Variants in PDE6C observed in about 807,000 individuals in gnomAD.
The protein encoded by PDE6C is cone cGMP-specific 3',5'-cyclic phosphodiesterase subunit alpha'.
Under a neutral mutation model 113.1 loss-of-function variants are expected in PDE6C, and 75 were observed. The observed-to-expected ratio is 0.66, with a 90% confidence interval of 0.55 to 0.80. The LOEUF (loss-of-function observed/expected upper bound fraction) is 0.80. Ranked by LOEUF, PDE6C falls within the 30% of genes least tolerant of loss-of-function variation. PDE6C has a pLI of 0.00. For synonymous variants in PDE6C, 375 were observed against 363.7 expected, an observed-to-expected ratio of 1.03 and a Z score of -0.35; for missense variants, 912 against 1,038.6, an observed-to-expected ratio of 0.88 and a Z score of 1.67.
At chr10:93,630,946 C>T (rs1428454776) in intron 8 of PDE6C, among the ~76,000 whole-genome samples, 3 of 152,190 alleles carry the variant, frequency 2.0e-5, no homozygotes, top group South Asian at 4.1e-4. Flanking sequence ...ACGTGGATGT[C>T]AGAATAGGAT....
chr10:93,629,325 G>T lies in PDE6C; in HGVS notation c.1119+20G>T, dbSNP rs2058488262. ...TTTCAGGTAACTGCACTCTGGGTCA[G>T]ACCTCACCTCTTGGGGCTGGGGTAG... On this transcript the variant is annotated intron_variant, in intron 8 of 21. Coordinates refer to ENST00000371447, the MANE Select transcript of PDE6C (RefSeq NM_006204.4). 6.3e-7 allele frequency: 1 copy of T among 1,583,674 alleles called. No individual in the cohort carries two copies. The highest frequency in any genetic ancestry group is 1.3e-5 in the African/African-American group (1 of 74,140).
chr10:93,653,441 G>C (rs1234026869), intron 15 of PDE6C, among the ~76,000 whole-genome samples: 1 of 152,054 alleles, frequency 6.6e-6, no homozygotes, highest in Non-Finnish European at 1.5e-5. Context: ...TCAGGAGTTT[G>C]AGACTAGCCT....
intron 16 of PDE6C, among the ~76,000 whole-genome samples, chr10:93,658,169 C>CAAAAAAAAAAAAAAAAAAAAA (rs71031527): frequency 8.3e-5 from 5 of 59,884 alleles, no homozygotes; most frequent in Admixed American, 4.7e-4. Flanking sequence ...GATTCTGTCT[C>CAAAAAAAAAAAAAAAAAAAAA]AAAAAAAAAA....
chr10:93,646,109 G>C, intron 15 of PDE6C, 62 bp downstream of exon 15: 1 of 963,882 alleles, frequency 1.0e-6, no homozygotes, highest in Non-Finnish European at 1.7e-6. Context: ...CTAACCCACA[G>C]AAAATGCTTG....
intron 14 of PDE6C, among the ~76,000 whole-genome samples, chr10:93,644,765 G>A (rs554168696): frequency 7.2e-6 from 1 of 138,288 alleles, no homozygotes; most frequent in South Asian, 2.4e-4. Context: ...TTCAAATAAA[G>A]AAAATGTGGT....
intron 18 of PDE6C, among the ~76,000 whole-genome samples, 175 bp downstream of exon 18, chr10:93,659,342 A>T (rs556452597): frequency 1.8e-4 from 28 of 152,294 alleles, no homozygotes; most frequent in Admixed American, 8.5e-4. Context: ...GGAACTTTGG[A>T]AGGAGAATTC....
chr10:93,624,759 A>G (rs2058465548), intron 4 of PDE6C, among the ~76,000 whole-genome samples: 1 of 152,166 alleles, frequency 6.6e-6, no homozygotes, highest in African/African-American at 2.4e-5. Flanking sequence ...CTACTTAACA[A>G]GGTAGGGCAG....
rs1396499122 is a variant in PDE6C at position 93,646,037 on chromosome 10, T to C, written c.1925T>C (p.Leu642Ser). The C allele has an allele frequency of 6.3e-7, 1 of 1,584,256 alleles. No homozygotes were observed. The highest frequency in any genetic ancestry group is 8.7e-7 in the Non-Finnish European group (1 of 1,152,738). ...RHHLEYSKTL[L>S]QDESLNIFQN... ...CACCTGGAGTACAGTAAGACTCTGT[T>C]GCAGGATGAGGTACGTAAACCTCTC... Residue 642 changes from leucine (L) to serine (S), a missense_variant, in exon 15 of 22, where the codon TTG (leucine) becomes TCG (serine). Coordinates refer to ENST00000371447, the MANE Select transcript of PDE6C (RefSeq NM_006204.4).
At position 93,662,057 on chromosome 10, in the gene PDE6C, A is replaced by C. The variant is rs1170267918; in HGVS notation, c.2209-2A>C. 1 of 1,589,966 alleles carries C rather than the reference A, an allele frequency of 6.3e-7. No individual in the cohort carries two copies. The highest frequency in any genetic ancestry group is 1.7e-5 in the Admixed American group (1 of 59,970). ...AGTGAACCAAGCCTTTCTCATTTGC[A>C]GGTAGCACTTATGGTTGCAAATGAA... is the stretch of plus-strand genomic sequence containing the variant. On this transcript the variant is annotated splice_acceptor_variant, in intron 18 of 21. Coordinates refer to ENST00000371447, the MANE Select transcript of PDE6C (RefSeq NM_006204.4). LOFTEE classifies it high-confidence loss of function.
At chr10:93,628,667 A>G (rs2058485786) in intron 7 of PDE6C, among the ~76,000 whole-genome samples, 1 of 152,170 alleles carries the variant, frequency 6.6e-6, no homozygotes, top group Admixed American at 6.5e-5. Context: ...ATTAAGATCC[A>G]TTTGTGATTA....
Position 93,617,882 on chromosome 10 carries a change from T to A in PDE6C, c.481-2750T>A, listed in dbSNP as rs555712001. On this transcript the variant is annotated intron_variant, in intron 1 of 21. Coordinates refer to ENST00000371447, the MANE Select transcript of PDE6C (RefSeq NM_006204.4). ...GGCTGTGTAAATGAAGGTGATGTGA[T>A]CTGCATGGATAACAGGGTGGAAGGG... is the stretch of plus-strand genomic sequence containing the variant. Among the ~76,000 whole-genome samples the A allele has an allele frequency of 4.6e-5, 7 of 152,342 alleles. 1 individual carries two copies. The South Asian group carries it at 1.2e-3, about 27-fold the overall frequency.
Position 93,612,542 on chromosome 10 carries a change from A to T in PDE6C, c.-184A>T. 1 of 749,676 alleles carries T rather than the reference A, an allele frequency of 1.3e-6. No homozygotes were observed. The highest frequency in any genetic ancestry group is 1.6e-5 in the South Asian group (1 of 62,298). The allele number at this position is 749,676 out of a possible 1,614,324, so 46.4% of individuals were successfully genotyped here. A position where few individuals can be genotyped will look rare whatever the true frequency, so the allele number is the denominator to read the frequency against. ...ACCCTAAGCCAGGGCCTTCTGTCAC[A>T]TCCCAAGAGTTACAGGCAGTTTGAA... On this transcript the variant is annotated 5_prime_UTR_variant, in exon 1 of 22. Coordinates refer to ENST00000371447, the MANE Select transcript of PDE6C (RefSeq NM_006204.4).
chr10:93,616,775 T>C (rs1294133056), intron 1 of PDE6C, among the ~76,000 whole-genome samples: 1 of 149,546 alleles, frequency 6.7e-6, no homozygotes, highest in Non-Finnish European at 1.5e-5. Flanking sequence ...TGCCTCAGCC[T>C]CCCCAGTAGC....
intron 16 of PDE6C, among the ~76,000 whole-genome samples, chr10:93,657,302 C>T (rs1255255103): frequency 1.3e-5 from 2 of 149,244 alleles, no homozygotes; most frequent in African/African-American, 5.0e-5. Flanking sequence ...GCTAGGACTA[C>T]AGGCACACGT....
intron 8 of PDE6C, among the ~76,000 whole-genome samples, chr10:93,630,763 C>T (rs2058497469): frequency 6.6e-6 from 1 of 152,166 alleles, no homozygotes; most frequent in African/African-American, 2.4e-5. Flanking sequence ...CACACCACAC[C>T]TTGGGGAAAG....
intron 4 of PDE6C, among the ~76,000 whole-genome samples, chr10:93,622,760 A>G (rs1007865297): frequency 6.7e-6 from 1 of 149,366 alleles, no homozygotes; most frequent in Non-Finnish European, 1.5e-5. Context: ...CTGGCTTTTC[A>G]CTTTGAAATA....
At chr10:93,650,548 A>C (rs9419777) in intron 15 of PDE6C, among the ~76,000 whole-genome samples, 8,820 of 152,268 alleles carry the variant, frequency 0.058, 869 homozygotes, top group African/African-American at 0.2. Context: ...GTGCCCAGTC[A>C]ATTCATTTTT....
intron 4 of PDE6C, among the ~76,000 whole-genome samples, chr10:93,625,071 C>T (rs2058467153): frequency 6.6e-6 from 1 of 152,198 alleles, no homozygotes; most frequent in African/African-American, 2.4e-5. Context: ...TTAAACTGAT[C>T]TAGGCACCTC....
intron 5 of PDE6C, among the ~76,000 whole-genome samples, chr10:93,626,133 A>C (rs1048474493): frequency 2.0e-5 from 3 of 152,202 alleles, no homozygotes; most frequent in African/African-American, 7.2e-5. Context: ...CAGAGAGAAT[A>C]ATTCTCTAGT....
Sources: allele counts gnomAD v4.1 joint callset (sites outside exome capture counted in the v4.1 genomes callset), GRCh38; gene constraint gnomAD v4.1.1; transcripts MANE v1.5; gene names NCBI Gene and HGNC (gene_info 2026-07-23, HGNC 2026-07-21).